The following MED12L variants were observed in gnomAD, a reference collection of about 807,000 sequenced individuals.
MED12L encodes the protein mediator complex subunit 12L, also known as mediator of RNA polymerase II transcription subunit 12-like protein.
In MED12L, 60 loss-of-function variants were observed where a neutral mutation model predicts 281.3. The ratio of observed to expected loss-of-function variants is 0.21; its 90% confidence interval spans 0.17 to 0.26. The LOEUF is 0.26. Among genes scored for constraint, MED12L ranks in the 10% least tolerant of loss-of-function variants. The probability of loss-of-function intolerance (pLI) is 1.00; values close to 1 mark genes in which losing one functional copy is unlikely to be tolerated. For synonymous variants in MED12L, 974 were observed against 987.2 expected, an observed-to-expected ratio of 0.99 and a Z score of 0.25; for missense variants, 2,146 against 2,680.9, an observed-to-expected ratio of 0.80 and a Z score of 4.41.
intron 16 of MED12L, among the ~76,000 whole-genome samples, chr3:151,237,344 T>C (rs1032964141): frequency 5.8e-5 from 4 of 69,260 alleles, no homozygotes; most frequent in Non-Finnish European, 9.2e-5. Context: ...GGCTTTTTTT[T>C]TTTTTCTTTT....
chr3:151,384,978 A>G (rs949582051), intron 35 of MED12L, 52 bp from the exon 36 acceptor site: 2 of 993,088 alleles, frequency 2.0e-6, no homozygotes, highest in South Asian at 1.3e-5. Context: ...TTTTGCCTTC[A>G]TTGTAATTTC....
intron 27 of MED12L, among the ~76,000 whole-genome samples, chr3:151,374,693 C>A (rs970270720): frequency 6.6e-6 from 1 of 152,122 alleles, no homozygotes; most frequent in African/African-American, 2.4e-5. Flanking sequence ...TGAACTTTTC[C>A]CATCCCTATG....
At chr3:151,302,788 G>A (rs1746118975) in intron 16 of MED12L, among the ~76,000 whole-genome samples, 1 of 152,052 alleles carries the variant, frequency 6.6e-6, no homozygotes, top group African/African-American at 2.4e-5. Flanking sequence ...TCATAAGGTC[G>A]TTTACTAAGA....
intron 36 of MED12L, among the ~76,000 whole-genome samples, chr3:151,385,729 A>G (rs1713228854): frequency 6.6e-6 from 1 of 152,022 alleles, no homozygotes; most frequent in Admixed American, 6.5e-5. Flanking sequence ...GGGAAAAAAA[A>G]AAAAAAACCT....
chr3:151,339,928 T>C (rs188544221), intron 16 of MED12L, among the ~76,000 whole-genome samples: 1 of 152,148 alleles, frequency 6.6e-6, no homozygotes, highest in Non-Finnish European at 1.5e-5. Flanking sequence ...ATCAGAGATA[T>C]ATTGAAAGTA....
At chr3:151,089,142 T>C (rs140603193) in intron 2 of MED12L, among the ~76,000 whole-genome samples, 70 of 152,342 alleles carry the variant, frequency 4.6e-4, no homozygotes, top group African/African-American at 1.2e-3. Context: ...TTGTGTTTCC[T>C]GGGCAGTACT....
In MED12L at chr3:151,411,343, G is replaced by A. The variant is rs749464852; in HGVS notation, c.5976G>A (p.Gln1992=). ...CTTTGCAGCAGACATCGCAGCAGCA[G>A]GCTGGCAGTGTGGTCCTGTCTCCCA... ...QMPLQQTSQQ[Q]AGSVVLSPSY... Residue 1992 remains glutamine (Q), a synonymous_variant, in exon 41 of 45, where the codon CAG becomes CAA. Coordinates refer to ENST00000687756, the MANE Select transcript of MED12L (RefSeq NM_001393769.1). 1.9e-6 allele frequency: 3 copies of A among 1,614,216 alleles called. No individual in the cohort carries two copies. Among genetic ancestry groups the A allele is most frequent in the Non-Finnish European group, 2.5e-6 (3 of 1,180,044 alleles).
intron 16 of MED12L, among the ~76,000 whole-genome samples, chr3:151,220,111 C>T (rs760759414): frequency 3.4e-5 from 5 of 147,768 alleles, no homozygotes; most frequent in Non-Finnish European, 7.4e-5. Context: ...GCAGTTCTGA[C>T]TTCTGCCTAC....
At chr3:151,303,878 G>A (rs1193705281) in intron 16 of MED12L, among the ~76,000 whole-genome samples, 1 of 152,172 alleles carries the variant, frequency 6.6e-6, no homozygotes, top group African/African-American at 2.4e-5. Flanking sequence ...CTGAAGGAGA[G>A]GCCAGAGAGT....
chr3:151,160,312 T>C (rs1211465751), intron 8 of MED12L, among the ~76,000 whole-genome samples: 1 of 152,224 alleles, frequency 6.6e-6, no homozygotes, highest in Non-Finnish European at 1.5e-5. Context: ...AGAGTGTTAT[T>C]GCAGTTGTCC....
chr3:151,242,804 G>C (rs1050501908), intron 16 of MED12L, among the ~76,000 whole-genome samples: 1 of 151,758 alleles, frequency 6.6e-6, no homozygotes, highest in Non-Finnish European at 1.5e-5. Context: ...GGCTTCAGAC[G>C]ATCAAATTAC....
intron 13 of MED12L, among the ~76,000 whole-genome samples, chr3:151,189,685 C>G (rs1415437694): frequency 6.6e-6 from 1 of 152,144 alleles, no homozygotes; most frequent in Non-Finnish European, 1.5e-5. Flanking sequence ...GGGAACTGAG[C>G]TTAATGTTCC....
Position 151,165,991 on chromosome 3 carries a change from T to A in MED12L, c.1494+9T>A, listed in dbSNP as rs751217753. 20 of 1,546,160 alleles carry A rather than the reference T, an allele frequency of 1.3e-5. No individual in the cohort carries two copies. Among genetic ancestry groups the A allele is most frequent in the Admixed American group, 1.9e-5 (1 of 51,306 alleles). ...ACAAAGATAACCAAGAGGTAGTTAA[T>A]TTTTTTTTAATTCTTTTCACCTTTT... On this transcript the variant is annotated intron_variant, in intron 11 of 44. Transcript: ENST00000687756.
At chr3:151,371,129 G>GT (rs1756132197) in intron 26 of MED12L, among the ~76,000 whole-genome samples, 2 of 152,134 alleles carry the variant, frequency 1.3e-5, no homozygotes, top group African/African-American at 2.4e-5. Flanking sequence ...AGCAGGTACT[G>GT]TTTTTTCTCT....
intron 30 of MED12L, 106 bp from the exon 31 acceptor site, chr3:151,377,906 G>C: frequency 8.9e-7 from 1 of 1,125,766 alleles, no homozygotes; most frequent in Non-Finnish European, 1.2e-6. Flanking sequence ...TTTTAGAACA[G>C]TCTGTGTGTC....
intron 16 of MED12L, chr3:151,328,886 G>A (rs1750013184): frequency 6.2e-7 from 1 of 1,613,924 alleles, no homozygotes; most frequent in Non-Finnish European, 8.5e-7. Flanking sequence ...CAGGATGCCG[G>A]TCAAGAAAAC....
chr3:151,117,709 TAAC>T (rs58152905), intron 3 of MED12L, among the ~76,000 whole-genome samples: 33,276 of 152,108 alleles, frequency 0.22, 3,954 homozygotes, highest in African/African-American at 0.32. Context: ...GCCCTTAGAC[TAAC>T]TCTCATTAAA....
At chr3:151,423,015 A>AT (rs57078716) in intron 43 of MED12L, among the ~76,000 whole-genome samples, 89,605 of 141,586 alleles carry the variant, frequency 0.63, 29,182 homozygotes, top group Middle Eastern at 0.77. Context: ...GAGATCATAA[A>AT]AATATATATA....
chr3:151,228,056 G>A (rs770178789), intron 16 of MED12L, among the ~76,000 whole-genome samples: 1 of 152,186 alleles, frequency 6.6e-6, no homozygotes, highest in Admixed American at 6.5e-5. Context: ...TCTTGTTGGG[G>A]TCAGACCTTA....
Sources: gnomAD v4.1 joint callset for allele counts (sites outside exome capture counted in the v4.1 genomes callset) on GRCh38, gnomAD v4.1.1 for gene constraint, MANE v1.5 for transcripts, NCBI Gene and HGNC (gene_info 2026-07-23, HGNC 2026-07-21) for gene names.